Variants in ACOXL observed in about 807,000 individuals in gnomAD.
The protein encoded by ACOXL is acyl-coenzyme A oxidase-like protein.
In ACOXL, 70 loss-of-function variants were observed where a neutral mutation model predicts 71.9. The ratio of observed to expected loss-of-function variants is 0.97; its 90% CI spans 0.80 to 1.19. The LOEUF (loss-of-function observed/expected upper bound fraction) is 1.19. ACOXL is among the 50% of genes most tolerant of loss of function. The pLI is 0.00. For missense variants in ACOXL, 703 were observed against 736.3 expected (o/e 0.95, Z 0.52); for synonymous variants, 253 against 281.6 (o/e 0.90, Z 1.02).
intron 17 of ACOXL, among the ~76,000 whole-genome samples, chr2:111,112,272 C>T (rs74412369): frequency 0.024 from 3,665 of 152,240 alleles, 86 homozygotes; most frequent in Non-Finnish European, 0.034. Flanking sequence ...TGTATGTGTT[C>T]CTGGGACCAG....
intron 3 of ACOXL, among the ~76,000 whole-genome samples, chr2:110,788,888 G>T (rs888663860): frequency 6.6e-6 from 1 of 152,206 alleles, no homozygotes; most frequent in African/African-American, 2.4e-5. Flanking sequence ...TGAGCTCTGG[G>T]TCAGTCAGGG....
chr2:110,957,902 C>CA (rs1439530028), intron 12 of ACOXL, among the ~76,000 whole-genome samples: 247 of 149,532 alleles, frequency 1.7e-3, no homozygotes, highest in Middle Eastern at 6.9e-3. Flanking sequence ...ACTAAAAATA[C>CA]AAAAAAAAAG....
chr2:111,106,883 G>A (rs1032416300), intron 17 of ACOXL, among the ~76,000 whole-genome samples: 3 of 152,224 alleles, frequency 2.0e-5, no homozygotes, highest in South Asian at 4.2e-4. Context: ...GCCACATTAC[G>A]GTTCCCTAAA....
intron 1 of ACOXL, among the ~76,000 whole-genome samples, chr2:110,748,296 AGGCT>A (rs1678489432): frequency 6.6e-6 from 1 of 152,128 alleles, no homozygotes. Flanking sequence ...GGAGAAAGGA[AGGCT>A]GGAGAGGGAG....
chr2:110,961,143 T>C (rs1447357825), intron 12 of ACOXL, among the ~76,000 whole-genome samples: 1 of 152,232 alleles, frequency 6.6e-6, no homozygotes, highest in Non-Finnish European at 1.5e-5. Context: ...CTTTGATTTT[T>C]CTCGTTGCCA....
intron 12 of ACOXL, among the ~76,000 whole-genome samples, chr2:110,936,031 A>G (rs1486525362): frequency 6.6e-6 from 1 of 152,148 alleles, no homozygotes; most frequent in Non-Finnish European, 1.5e-5. Flanking sequence ...GGTGGAGCTC[A>G]GGCAGTAATA....
At chr2:110,881,172 C>T (rs930342980) in intron 10 of ACOXL, among the ~76,000 whole-genome samples, 2 of 151,286 alleles carry the variant, frequency 1.3e-5, no homozygotes, top group Non-Finnish European at 2.9e-5. Context: ...TGTATATATA[C>T]ACACATATAT....
At chr2:110,920,720 A>C (rs1342901373) in intron 11 of ACOXL, among the ~76,000 whole-genome samples, 1 of 152,026 alleles carries the variant, frequency 6.6e-6, no homozygotes, top group Non-Finnish European at 1.5e-5. Context: ...GTTAATCTCT[A>C]CAAAAAAGAT....
chr2:110,864,873 G>A (rs1694370272), intron 10 of ACOXL, among the ~76,000 whole-genome samples: 1 of 152,234 alleles, frequency 6.6e-6, no homozygotes, highest in Admixed American at 6.5e-5. Flanking sequence ...CTGTCAGGCT[G>A]TTGTCTCCCT....
intron 2 of ACOXL, among the ~76,000 whole-genome samples, chr2:110,777,226 G>A (rs188840564): frequency 6.6e-6 from 1 of 152,290 alleles, no homozygotes; most frequent in Admixed American, 6.5e-5. Context: ...AGGCTGGAGG[G>A]ATCCCCATGG....
At chr2:110,915,595 T>A (rs1466940801) in intron 11 of ACOXL, among the ~76,000 whole-genome samples, 1 of 151,368 alleles carries the variant, frequency 6.6e-6, no homozygotes, top group Non-Finnish European at 1.5e-5. Context: ...AGCTAATTTT[T>A]TTTTGTATTT....
chr2:110,867,816 G>T (rs1188891971), intron 10 of ACOXL, among the ~76,000 whole-genome samples: 1 of 152,128 alleles, frequency 6.6e-6, no homozygotes, highest in Non-Finnish European at 1.5e-5. Flanking sequence ...AAGCTGGAGT[G>T]CAGTGGCATG....
intron 17 of ACOXL, among the ~76,000 whole-genome samples, chr2:111,095,391 C>CTTTTTTTTTTTTTTTTTTTTTTTT (rs780172456): frequency 8.6e-6 from 1 of 116,592 alleles, no homozygotes; most frequent in Non-Finnish European, 1.7e-5. Flanking sequence ...TTTTCTTTTT[C>CTTTTTTTTTTTTTTTTTTTTTTTT]TTTTTTTTTT....
At chr2:110,901,642 C>CCACA (rs10537484) in intron 10 of ACOXL, among the ~76,000 whole-genome samples, 3,471 of 147,090 alleles carry the variant, frequency 0.024, 74 homozygotes, top group Middle Eastern at 0.069. Flanking sequence ...TATCTCTACG[C>CCACA]CACACACACA....
At chr2:110,735,665 G>T (rs1427567779) in intron 1 of ACOXL, among the ~76,000 whole-genome samples, 1 of 152,176 alleles carries the variant, frequency 6.6e-6, no homozygotes, top group African/African-American at 2.4e-5. Context: ...GAGCCTGCTG[G>T]GCTAAGTCCT....
intron 13 of ACOXL, among the ~76,000 whole-genome samples, chr2:110,989,316 T>C (rs1289560995): frequency 6.6e-6 from 1 of 152,212 alleles, no homozygotes; most frequent in Non-Finnish European, 1.5e-5. Context: ...GAGTTTGTCT[T>C]GGGGCTATTT....
At chr2:111,092,561 A>C (rs1385135781) in intron 16 of ACOXL, among the ~76,000 whole-genome samples, 1 of 152,202 alleles carries the variant, frequency 6.6e-6, no homozygotes, top group African/African-American at 2.4e-5. Context: ...AGAACCAGGT[A>C]GGTTACATAT....
chr2:111,054,212 T>C lies in ACOXL; in HGVS notation c.1440+4924T>C, dbSNP rs548010662. Among the ~76,000 whole-genome samples the C allele has an allele frequency of 3.3e-5, 5 of 152,298 alleles. No homozygotes were observed. In the East Asian group the frequency reaches 7.7e-4, roughly 24 times the overall value. On this transcript the variant is annotated intron_variant, in intron 16 of 17. Coordinates refer to ENST00000439055, the MANE Select transcript of ACOXL (RefSeq NM_001142807.4). ...CACAGTAGAAAAACCAAGCTGCCTG[T>C]AGGAAAATAAAGCTTGGCTTATTTA... is the stretch of plus-strand genomic sequence containing the variant.
intron 14 of ACOXL, among the ~76,000 whole-genome samples, chr2:111,003,548 C>T: frequency 2.0e-4 from 1 of 4,940 alleles, no homozygotes. Flanking sequence ...GAGACTCTGT[C>T]TCAAAAAAAA....
Sources: gnomAD v4.1 joint callset for allele counts (sites outside exome capture counted in the v4.1 genomes callset) on GRCh38, gnomAD v4.1.1 for gene constraint, MANE v1.5 for transcripts, NCBI Gene and HGNC (gene_info 2026-07-23, HGNC 2026-07-21) for gene names.